The following DCLRE1C variants were observed in gnomAD, a reference collection of about 807,000 sequenced individuals.
DCLRE1C encodes the protein DNA cross-link repair 1C.
DCLRE1C carries 47 observed loss-of-function variants against 61.4 expected under a neutral mutation model. That is an observed-to-expected ratio of 0.77 (90% CI 0.61 to 0.98). The LOEUF (loss-of-function observed/expected upper bound fraction) is 0.98, where lower values mean the gene tolerates loss of function less well. DCLRE1C is among the 50% of genes least tolerant of loss of function. The pLI is 0.00. For missense variants in DCLRE1C, 858 were observed against 816.0 expected, an observed-to-expected ratio of 1.05 and a Z score of -0.63; for synonymous variants, 337 against 287.6, an observed-to-expected ratio of 1.17 and a Z score of -1.74.
chr10:14,916,129 A>C (rs1299920051), intron 13 of DCLRE1C, among the ~76,000 whole-genome samples: 1 of 152,206 alleles, frequency 6.6e-6, no homozygotes, highest in Non-Finnish European at 1.5e-5. Context: ...TTATCATTAT[A>C]CTTAATGGTG....
chr10:14,907,027 T>C lies in DCLRE1C; in HGVS notation c.*1381A>G, dbSNP rs976347246. ...AGGACTACAGGTGCACACCACCATG[T>C]CTGGCTAACATTTTGTGGAGACAGG... is the stretch of plus-strand genomic sequence containing the variant. On this transcript the variant is annotated 3_prime_UTR_variant, in exon 14 of 14. Coordinates refer to ENST00000378278, the MANE Select transcript of DCLRE1C (RefSeq NM_001033855.3). Among the ~76,000 whole-genome samples, 2 of 152,056 alleles carry C rather than the reference T, an allele frequency of 1.3e-5. No homozygotes were observed. The highest frequency in any genetic ancestry group is 1.3e-4 in the Admixed American group (2 of 15,266).
At chr10:14,909,516 CCA>C (rs1228211205) in intron 13 of DCLRE1C, among the ~76,000 whole-genome samples, 186 bp from the exon 14 acceptor site, 1 of 151,806 alleles carries the variant, frequency 6.6e-6, no homozygotes, top group African/African-American at 2.4e-5. Flanking sequence ...ATAATAAATG[CCA>C]GAGTATCAGT....
chr10:14,908,388 G>A lies in DCLRE1C; in HGVS notation c.*20C>T. The A allele has an allele frequency of 2.5e-6, 4 of 1,590,752 alleles. No individual in the cohort carries two copies. The highest frequency in any genetic ancestry group is 3.4e-6 in the Non-Finnish European group (4 of 1,159,802). On this transcript the variant is annotated 3_prime_UTR_variant, in exon 14 of 14. Transcript: ENST00000378278. ...TGCAGGTTTTTTAGTGGTTGCTCTA[G>A]GTTGAAACGCTTTGAATTCTTAGGT...
intron 12 of DCLRE1C, among the ~76,000 whole-genome samples, chr10:14,921,477 T>TTCCCTTCCCTCTAACTTG (rs1282713595): frequency 6.6e-6 from 1 of 152,174 alleles, no homozygotes; most frequent in Non-Finnish European, 1.5e-5. Context: ...GTCTCTAACT[T>TTCCCTTCCCTCTAACTTG]TCCCTTCACT....
chr10:14,934,241 T>C (rs1211328198), intron 8 of DCLRE1C, 139 bp downstream of exon 8: 17 of 1,246,542 alleles, frequency 1.4e-5, no homozygotes, highest in Non-Finnish European at 1.9e-5. Flanking sequence ...GCCAGGAGAA[T>C]TGCTTGAACC....
chr10:14,939,460 C>A (rs571176839), intron 4 of DCLRE1C, among the ~76,000 whole-genome samples: 1 of 149,398 alleles, frequency 6.7e-6, no homozygotes, highest in African/African-American at 2.5e-5. Flanking sequence ...AAAAAAGAAC[C>A]AGGAAGTGGG....
intron 13 of DCLRE1C, among the ~76,000 whole-genome samples, chr10:14,915,879 T>G (rs916983660): frequency 2.0e-5 from 3 of 152,132 alleles, no homozygotes; most frequent in African/African-American, 7.2e-5. Context: ...GAGAAAATTC[T>G]TACCATAATA....
chr10:14,952,011 A>C (rs945234550), intron 1 of DCLRE1C, among the ~76,000 whole-genome samples: 1 of 152,212 alleles, frequency 6.6e-6, no homozygotes, highest in Non-Finnish European at 1.5e-5. Context: ...TGGTTGACTA[A>C]GCAGATCCAC....
chr10:14,923,413 A>G (rs1255789725), intron 11 of DCLRE1C: 3 of 285,826 alleles, frequency 1.0e-5, no homozygotes, highest in Non-Finnish European at 2.0e-5. Context: ...TCCTTGTCCA[A>G]GAAGGTCAGT....
chr10:14,937,840 G>A lies in DCLRE1C; in HGVS notation c.307-1247C>T, dbSNP rs12571556. Among the ~76,000 whole-genome samples, 270 of 145,014 alleles carry A rather than the reference G, an allele frequency of 1.9e-3. 1 individual carries two copies. The highest frequency in any genetic ancestry group is 0.017 in the East Asian group (84 of 4,834). On this transcript the variant is annotated intron_variant, in intron 4 of 13. Transcript: ENST00000378278. ...AACCAGGAGGTAGAGGTTGCAGTGA[G>A]CCAAGATCGCCCTACTGCACTCCAG...
rs41300674 is a variant in DCLRE1C, at chr10:14,908,864, T to G, written c.1623A>C (p.Thr541=). The G allele has an allele frequency of 4.3e-5, 70 of 1,614,222 alleles. No individual in the cohort carries two copies. In the African/African-American group the frequency reaches 8.0e-4, roughly 18 times the overall value. The change falls in exon 14 of 14, where the codon ACA becomes ACC. Residue 541 remains threonine (T), a synonymous_variant. Coordinates refer to ENST00000378278, the MANE Select transcript of DCLRE1C (RefSeq NM_001033855.3). ...HISSQNSSQS[T]HITEQGSQGW... is the part of the protein sequence containing the mutation. The stretch of plus-strand genomic sequence containing the variant: ...CTTGACTTCCTTGTTCTGTTATGTG[T>G]GTTGACTGGGAAGAATTCTGGGAGG...
rs919860514 is a variant in DCLRE1C, at chr10:14,898,202, C to CTTTTTTT, written c.*955_*961dup. The CTTTTTTT allele has an allele frequency of 1.5e-3, 87 of 56,146 alleles. 2 individuals are homozygous for CTTTTTTT. The highest frequency in any genetic ancestry group is 2.1e-3 in the African/African-American group (30 of 14,152). 3.5% of individuals were successfully genotyped at this position (56,146 alleles called of 1,614,324 possible). On this transcript the variant is annotated 3_prime_UTR_variant, in exon 14 of 14. Coordinates refer to the DCLRE1C transcript ENST00000378289. Reference sequence around the variant, plus strand: ...AAAACTCAGTGAGGTAGTACTGTTTCTTTTTTTTTTTTTTTTTTTTTTTTT... The same window carrying CTTTTTTT: ...AAAACTCAGTGAGGTAGTACTGTTTCTTTTTTTTTTTTTTTTTTTTTTTTTTTTTTTT...
chr10:14,935,433 A>ATAAAT, intron 6 of DCLRE1C, 30 bp downstream of exon 6: 1 of 1,600,844 alleles, frequency 6.2e-7, no homozygotes, highest in Non-Finnish European at 8.5e-7. Flanking sequence ...ATAAAATAAA[A>ATAAAT]TAAAATAAAA....
At chr10:14,941,316 G>A (rs1375879816) in intron 3 of DCLRE1C, among the ~76,000 whole-genome samples, 1 of 152,024 alleles carries the variant, frequency 6.6e-6, no homozygotes, top group Non-Finnish European at 1.5e-5. Flanking sequence ...ACAGGCTCTC[G>A]CTGTGTTAGC....
At chr10:14,898,425 A>T in exon 14 of DCLRE1C, 1 of 151,672 alleles carries the variant, frequency 6.6e-6, no homozygotes. Context: ...ACATATCTGG[A>T]GTTGTCAACT....
In DCLRE1C at chr10:14,906,119, A is replaced by G. The variant is rs1834372849; in HGVS notation, c.*2289T>C. On this transcript the variant is annotated 3_prime_UTR_variant, in exon 14 of 14. Coordinates refer to ENST00000378278, the MANE Select transcript of DCLRE1C (RefSeq NM_001033855.3). ...ACATCAGAGCATAGCAGTTAAGATCATGGTCTCTGAAGCCAAACTGCCTGT... is the reference window on the plus strand; with the variant it reads ...ACATCAGAGCATAGCAGTTAAGATCGTGGTCTCTGAAGCCAAACTGCCTGT... Among the ~76,000 whole-genome samples the G allele has an allele frequency of 6.6e-6, 1 of 152,252 alleles. No homozygotes were observed.
At chr10:14,923,684 T>A (rs1837498855) in intron 11 of DCLRE1C, 1 of 154,316 alleles carries the variant, frequency 6.5e-6, no homozygotes, top group Non-Finnish European at 1.4e-5. Context: ...CTACCAATAA[T>A]CATTAACGAT....
intron 3 of DCLRE1C, among the ~76,000 whole-genome samples, chr10:14,943,358 G>A (rs1304853942): frequency 3.3e-5 from 5 of 152,020 alleles, no homozygotes; most frequent in Non-Finnish European, 5.9e-5. Context: ...TTTTAACAGT[G>A]ACACCCTCTT....
chr10:14,909,270 G>A lies in DCLRE1C; in HGVS notation c.1217C>T (p.Pro406Leu). 3 of 1,613,806 alleles carry A rather than the reference G, an allele frequency of 1.9e-6. No individual in the cohort carries two copies. The highest frequency in any genetic ancestry group is 2.5e-6 in the Non-Finnish European group (3 of 1,179,962). ...CTCAGGGTGAAAAGTTTCCGGGTAT[G>A]GAACTTTGTGCCTTAAAGGTATTGG... ...PLPIPLRHKV[P>L]YPETFHPEVF... Residue 406 changes from proline (P) to leucine (L), a missense_variant, in exon 14 of 14, where the codon CCA becomes CTA. Physicochemically the swap from Pro to Leu is moderately conservative, Grantham distance 98. Around this residue, in one of 2 missense-constraint regions of DCLRE1C, gnomAD observed 843 missense variants for 783.5 expected, o/e 1.08. Coordinates refer to ENST00000378278, the MANE Select transcript of DCLRE1C (RefSeq NM_001033855.3).
Sources: allele counts gnomAD v4.1 joint callset (sites outside exome capture counted in the v4.1 genomes callset), GRCh38; gene constraint gnomAD v4.1.1; regional missense constraint gnomAD v4.1.1; transcripts MANE v1.5; gene names NCBI Gene and HGNC (gene_info 2026-07-23, HGNC 2026-07-21).